Variants in APP observed in about 807,000 individuals in gnomAD.
The protein encoded by APP is amyloid beta precursor protein.
APP carries 31 observed loss-of-function variants against 101.4 expected under a neutral mutation model. That is an observed-to-expected ratio of 0.31 (90% CI 0.23 to 0.41). The LOEUF (loss-of-function observed/expected upper bound fraction) is 0.41, where lower values mean the gene tolerates loss of function less well. Ranked by LOEUF, APP falls within the 10% of genes least tolerant of loss-of-function variation. The pLI is 1.00. For missense variants in APP, 839 were observed against 1,003.7 expected, an observed-to-expected ratio of 0.84 and a Z score of 2.22; for synonymous variants, 366 against 364.4, an observed-to-expected ratio of 1.00 and a Z score of -0.05.
chr21:25,935,212 A>C (rs1434681035), intron 13 of APP: 1 of 152,246 alleles, frequency 6.6e-6, no homozygotes, highest in Non-Finnish European at 1.5e-5. Context: ...TGTCACAACT[A>C]AATTTACTGA....
chr21:26,083,626 A>C (rs2061641595), intron 3 of APP, among the ~76,000 whole-genome samples: 1 of 152,236 alleles, frequency 6.6e-6, no homozygotes, highest in Non-Finnish European at 1.5e-5. Flanking sequence ...CATGTACTAC[A>C]AATCAGATGT....
At chr21:26,095,454 G>A (rs1227755019) in intron 2 of APP, among the ~76,000 whole-genome samples, 1 of 152,066 alleles carries the variant, frequency 6.6e-6, no homozygotes, top group Non-Finnish European at 1.5e-5. Context: ...ACTTAATAAC[G>A]GCCCCAAAGT....
chr21:25,913,230 G>A (rs1161558884), intron 13 of APP, among the ~76,000 whole-genome samples: 3 of 152,196 alleles, frequency 2.0e-5, no homozygotes, highest in Non-Finnish European at 4.4e-5. Context: ...TAGCATTAAA[G>A]CTTGTGATTA....
At chr21:25,961,378 T>G (rs1333826134) in intron 11 of APP, among the ~76,000 whole-genome samples, 1 of 152,244 alleles carries the variant, frequency 6.6e-6, no homozygotes, top group Non-Finnish European at 1.5e-5. Flanking sequence ...AGGTGCATCC[T>G]CAACCAGGGC....
At chr21:25,939,752 C>T (rs1354090459) in intron 13 of APP, among the ~76,000 whole-genome samples, 1 of 152,082 alleles carries the variant, frequency 6.6e-6, no homozygotes. Context: ...GAGGGGCTCT[C>T]CTGTTACTGT....
intron 1 of APP, among the ~76,000 whole-genome samples, chr21:26,152,872 G>C (rs2063306666): frequency 6.6e-6 from 1 of 152,218 alleles, no homozygotes; most frequent in African/African-American, 2.4e-5. Flanking sequence ...ATTCACAAAT[G>C]CAAAGATGCA....
intron 1 of APP, among the ~76,000 whole-genome samples, chr21:26,117,691 G>GT (rs1176275978): frequency 6.6e-6 from 1 of 152,158 alleles, no homozygotes; most frequent in African/African-American, 2.4e-5. Context: ...GTGTGTGCAT[G>GT]TATTTGTGGT....
chr21:26,111,736 A>G (rs534036853), intron 2 of APP, among the ~76,000 whole-genome samples: 1 of 152,116 alleles, frequency 6.6e-6, no homozygotes, highest in Admixed American at 6.5e-5. Flanking sequence ...GGAAAAAAAA[A>G]AGTGCTGTGA....
At chr21:26,026,010 A>G (rs1484117715) in intron 5 of APP, among the ~76,000 whole-genome samples, 1 of 152,344 alleles carries the variant, frequency 6.6e-6, no homozygotes, top group Middle Eastern at 3.4e-3. Flanking sequence ...AAGGAAAAAA[A>G]TGACTTTTCC....
chr21:26,120,746 A>ATATAT (rs2062547466), intron 1 of APP, among the ~76,000 whole-genome samples: 2 of 152,244 alleles, frequency 1.3e-5, no homozygotes, highest in Admixed American at 1.3e-4. Flanking sequence ...TGTTTACACA[A>ATATAT]TATATTTCTA....
At chr21:26,050,958 A>G in intron 5 of APP, 42 bp downstream of exon 5, 1 of 1,598,500 alleles carries the variant, frequency 6.3e-7, no homozygotes, top group Non-Finnish European at 8.6e-7. Context: ...TCCATACAAG[A>G]TGTTTCAGCA....
At chr21:25,990,245 TTACTC>T (rs2042807306) in intron 8 of APP, among the ~76,000 whole-genome samples, 1 of 152,230 alleles carries the variant, frequency 6.6e-6, no homozygotes, top group Non-Finnish European at 1.5e-5. Flanking sequence ...TATGATGTGT[TTACTC>T]TAGTCAAGCT....
intron 9 of APP, among the ~76,000 whole-genome samples, chr21:25,977,448 T>C (rs2042265093): frequency 6.6e-6 from 1 of 152,212 alleles, no homozygotes; most frequent in Admixed American, 6.5e-5. Context: ...TGTAGGTACT[T>C]AGCCTTAAGG....
chr21:25,972,062 A>C (rs1194329750), intron 11 of APP, among the ~76,000 whole-genome samples: 1 of 152,240 alleles, frequency 6.6e-6, no homozygotes, highest in African/African-American at 2.4e-5. Context: ...AAATTGATTC[A>C]AAGTTGACAG....
intron 2 of APP, among the ~76,000 whole-genome samples, chr21:26,109,316 G>A (rs2062257966): frequency 6.6e-6 from 1 of 152,194 alleles, no homozygotes; most frequent in African/African-American, 2.4e-5. Flanking sequence ...GATCATGGGG[G>A]TGGTTTCAAT....
chr21:25,966,842 T>C (rs2041816298), intron 11 of APP, among the ~76,000 whole-genome samples: 1 of 152,234 alleles, frequency 6.6e-6, no homozygotes, highest in African/African-American at 2.4e-5. Flanking sequence ...TTTGGTTTAG[T>C]TGTAATCCAC....
intron 11 of APP, among the ~76,000 whole-genome samples, chr21:25,968,200 G>C (rs2041870120): frequency 1.3e-5 from 2 of 151,936 alleles, no homozygotes; most frequent in African/African-American, 4.8e-5. Flanking sequence ...ATCCAGGCTG[G>C]AGTGCAGTGG....
At chr21:25,903,414 A>G (rs1451919474) in intron 15 of APP, among the ~76,000 whole-genome samples, 1 of 152,114 alleles carries the variant, frequency 6.6e-6, no homozygotes, top group Non-Finnish European at 1.5e-5. Context: ...TAAAAAAGAA[A>G]AAAACATTGA....
chr21:26,167,593 C>T (rs2063645314), intron 1 of APP, among the ~76,000 whole-genome samples: 1 of 152,174 alleles, frequency 6.6e-6, no homozygotes, highest in African/African-American at 2.4e-5. Flanking sequence ...AAAACAGTAA[C>T]ATAAAATAGA....
Sources: gnomAD v4.1 joint callset for allele counts (sites outside exome capture counted in the v4.1 genomes callset) on GRCh38, gnomAD v4.1.1 for gene constraint, MANE v1.5 for transcripts, NCBI Gene and HGNC (gene_info 2026-07-23, HGNC 2026-07-21) for gene names.